SEC22A: variants seen among roughly 807,000 people sequenced by gnomAD.
The protein encoded by SEC22A is vesicle-trafficking protein SEC22a.
Under a neutral mutation model 35.3 loss-of-function variants are expected in SEC22A, and 22 were observed. That is an observed-to-expected ratio of 0.62 (90% confidence interval 0.45 to 0.89). SEC22A has a LOEUF of 0.89. SEC22A is among the 40% of genes least tolerant of loss of function. The probability of loss-of-function intolerance (pLI) is 0.00; values close to 1 mark genes in which losing one functional copy is unlikely to be tolerated. For missense variants in SEC22A, 354 were observed against 362.5 expected (o/e 0.98, Z 0.19); for synonymous variants, 119 against 129.5 (o/e 0.92, Z 0.55).
chr3:123,269,602 C>T (rs1456081128), intron 6 of SEC22A, among the ~76,000 whole-genome samples: 3 of 150,096 alleles, frequency 2.0e-5, no homozygotes, highest in Non-Finnish European at 4.4e-5. Context: ...GATTAATACT[C>T]TTCAAGACTG....
At chr3:123,238,384 G>C (rs1937455960) in intron 4 of SEC22A, among the ~76,000 whole-genome samples, 1 of 152,012 alleles carries the variant, frequency 6.6e-6, no homozygotes, top group South Asian at 2.1e-4. Context: ...TTTTAGTAGA[G>C]ACAGGGTTTC....
In SEC22A at chr3:123,225,268, A is replaced by G; in HGVS notation, c.512A>G (p.Asp171Gly). 1 of 1,611,806 alleles carries G rather than the reference A, an allele frequency of 6.2e-7. No individual in the cohort carries two copies. The highest frequency in any genetic ancestry group is 1.7e-5 in the Admixed American group (1 of 59,900). Residue 171 changes from aspartate (D) to glycine (G), a missense_variant, in exon 4 of 7, where the codon GAC becomes GGC. Coordinates refer to ENST00000492595, the MANE Select transcript of SEC22A (RefSeq NM_012430.5). ...ANGVTSAFSV[D>G]CKGAGKISSA... ...GGAGTCACATCAGCATTTTCTGTTG[A>G]CTGTAAAGGTGCTGGTAAGATTTCT...
At chr3:123,213,903 GCTGGGT>G (rs1462885158) in intron 2 of SEC22A, among the ~76,000 whole-genome samples, 5 of 152,164 alleles carry the variant, frequency 3.3e-5, no homozygotes, top group African/African-American at 4.8e-5. Flanking sequence ...AGATAATTAG[GCTGGGT>G]CTGGTGGCTC....
chr3:123,248,678 A>G (rs976949731), intron 5 of SEC22A, among the ~76,000 whole-genome samples: 2 of 152,236 alleles, frequency 1.3e-5, no homozygotes, highest in Non-Finnish European at 2.9e-5. Context: ...TATAGATTCA[A>G]TACAGTCCCA....
intron 4 of SEC22A, among the ~76,000 whole-genome samples, chr3:123,230,614 T>G (rs1287343671): frequency 6.9e-6 from 1 of 144,998 alleles, no homozygotes; most frequent in Non-Finnish European, 1.5e-5. Flanking sequence ...ATGTACATGG[T>G]AAGCTTAGAG....
intron 2 of SEC22A, among the ~76,000 whole-genome samples, chr3:123,209,681 G>A (rs940698464): frequency 3.9e-5 from 6 of 152,174 alleles, no homozygotes; most frequent in African/African-American, 1.4e-4. Context: ...TAGGGTTGTA[G>A]TAAGCAAACT....
chr3:123,268,014 T>C (rs751007922), intron 6 of SEC22A, among the ~76,000 whole-genome samples: 2 of 152,158 alleles, frequency 1.3e-5, no homozygotes, highest in Non-Finnish European at 2.9e-5. Flanking sequence ...TCCACTGATA[T>C]CACAATAAGA....
At position 123,241,751 on chromosome 3, in the gene SEC22A, A is replaced by G. The variant is rs150566329; in HGVS notation, c.542-4148A>G. On this transcript the variant is annotated intron_variant, in intron 4 of 6. Transcript: ENST00000492595. ...ATCGCCAGTTGTTCAACCTCTTGCA[A>G]TCTGAATTTGATAAGGAAAATGTGG... 3.1e-3 allele frequency among the ~76,000 whole-genome samples: 472 copies of G among 152,184 alleles called. 3 individuals carry two copies. Among genetic ancestry groups the G allele is most frequent in the African/African-American group, 0.011 (443 of 41,524 alleles).
At chr3:123,252,437 G>T (rs1447320065) in intron 5 of SEC22A, among the ~76,000 whole-genome samples, 1 of 152,092 alleles carries the variant, frequency 6.6e-6, no homozygotes, top group Non-Finnish European at 1.5e-5. Flanking sequence ...GGAGGGGGAA[G>T]GGCAGTACCC....
chr3:123,212,857 G>C (rs1286248937), intron 2 of SEC22A, among the ~76,000 whole-genome samples: 3 of 152,120 alleles, frequency 2.0e-5, no homozygotes, highest in Non-Finnish European at 2.9e-5. Flanking sequence ...AAAGGTTGCA[G>C]ATATTACCGT....
intron 4 of SEC22A, among the ~76,000 whole-genome samples, chr3:123,232,612 C>G (rs558169032): frequency 6.6e-6 from 1 of 151,980 alleles, no homozygotes; most frequent in Non-Finnish European, 1.5e-5. Flanking sequence ...TTTGGGAGGC[C>G]GAAGCAGGTA....
intron 5 of SEC22A, among the ~76,000 whole-genome samples, chr3:123,252,381 A>G (rs953781986): frequency 3.4e-4 from 51 of 152,108 alleles, no homozygotes; most frequent in Non-Finnish European, 6.2e-4. Flanking sequence ...AGTTTTATCT[A>G]TTTTGAAGTT....
intron 2 of SEC22A, among the ~76,000 whole-genome samples, chr3:123,213,096 C>T (rs1936965993): frequency 6.6e-6 from 1 of 152,106 alleles, no homozygotes; most frequent in South Asian, 2.1e-4. Flanking sequence ...ATTTCAGAGC[C>T]ATGCATAGAA....
At chr3:123,263,350 A>C (rs1460676513) in intron 6 of SEC22A, among the ~76,000 whole-genome samples, 1 of 152,208 alleles carries the variant, frequency 6.6e-6, no homozygotes. Context: ...ACACAGAGAA[A>C]GTGCTGAGAT....
At chr3:123,263,077 G>A (rs774415776) in intron 6 of SEC22A, among the ~76,000 whole-genome samples, 7 of 151,982 alleles carry the variant, frequency 4.6e-5, no homozygotes, top group South Asian at 2.1e-4. Flanking sequence ...TAATCTAACC[G>A]CTCCTTAATC....
chr3:123,261,691 T>C (rs1271335237), intron 6 of SEC22A, among the ~76,000 whole-genome samples: 1 of 152,230 alleles, frequency 6.6e-6, no homozygotes, highest in Middle Eastern at 3.2e-3. Flanking sequence ...TGAGCTCTTA[T>C]TTTGTGTTAA....
chr3:123,218,534 A>T (rs1937070878), intron 2 of SEC22A, among the ~76,000 whole-genome samples: 1 of 152,128 alleles, frequency 6.6e-6, no homozygotes, highest in Admixed American at 6.6e-5. Context: ...AGACCTGCAT[A>T]GCCATTCTCG....
intron 3 of SEC22A, among the ~76,000 whole-genome samples, 184 bp from the exon 4 acceptor site, chr3:123,224,919 G>T (rs538436871): frequency 4.8e-4 from 73 of 152,222 alleles, no homozygotes; most frequent in African/African-American, 1.7e-3. Context: ...GATTTCTAGA[G>T]GGTAAAACTG....
intron 2 of SEC22A, among the ~76,000 whole-genome samples, chr3:123,222,838 C>A (rs889518597): frequency 6.6e-6 from 1 of 152,102 alleles, no homozygotes; most frequent in African/African-American, 2.4e-5. Context: ...AATATACTAA[C>A]CCGTAAAAAT....
Sources: allele counts gnomAD v4.1 joint callset (sites outside exome capture counted in the v4.1 genomes callset), GRCh38; gene constraint gnomAD v4.1.1; transcripts MANE v1.5; gene names NCBI Gene and HGNC (gene_info 2026-07-23, HGNC 2026-07-21).